Variants in PITPNA observed in about 807,000 individuals in gnomAD.
PITPNA encodes phosphatidylinositol transfer protein alpha, also known as phosphatidylinositol transfer protein alpha isoform.
PITPNA carries 13 observed loss-of-function variants against 50.3 expected under a neutral mutation model. That is an observed-to-expected ratio of 0.26 (90% confidence interval 0.17 to 0.41). The LOEUF (loss-of-function observed/expected upper bound fraction) is 0.41, where lower values mean the gene tolerates loss of function less well. Ranked by LOEUF, PITPNA falls within the 10% of genes least tolerant of loss-of-function variation. PITPNA has a pLI of 1.00. For missense variants in PITPNA, 207 were observed against 333.4 expected (o/e 0.62, Z 2.95); for synonymous variants, 120 against 119.6 (o/e 1.00, Z -0.02).
chr17:1,520,191 TCAC>T lies in PITPNA; in HGVS notation c.*367_*369del, dbSNP rs1199024290. 5 of 152,260 alleles carry T rather than the reference TCAC, an allele frequency of 3.3e-5. No homozygotes were observed. The highest frequency in any genetic ancestry group is 4.8e-5 in the African/African-American group (2 of 41,432). The allele number at this position is 152,260 out of a possible 1,614,324, so 9.4% of individuals were successfully genotyped here. A position where few individuals can be genotyped will look rare whatever the true frequency, so the allele number is the denominator to read the frequency against. Reference sequence around the variant, plus strand: ...AACAAATGAACTTAAATCATTTAAATCACCACATCACAAAAGGCAGCTATTTGA... The same window carrying T: ...AACAAATGAACTTAAATCATTTAAATCACATCACAAAAGGCAGCTATTTGA... On this transcript the variant is annotated 3_prime_UTR_variant, in exon 12 of 12. Transcript: ENST00000313486.
chr17:1,546,953 A>G (rs1221242818), intron 4 of PITPNA, among the ~76,000 whole-genome samples: 1 of 152,218 alleles, frequency 6.6e-6, no homozygotes, highest in Non-Finnish European at 1.5e-5. Context: ...CAGAAGCCAC[A>G]GTTCATTCAT....
chr17:1,560,968 G>T (rs919857370), intron 1 of PITPNA, among the ~76,000 whole-genome samples: 4 of 152,166 alleles, frequency 2.6e-5, no homozygotes, highest in African/African-American at 9.7e-5. Flanking sequence ...CCAGCCTGGT[G>T]GGGATGGTCA....
chr17:1,537,221 G>A (rs1250279162), intron 7 of PITPNA, among the ~76,000 whole-genome samples: 1 of 152,022 alleles, frequency 6.6e-6, no homozygotes, highest in East Asian at 1.9e-4. Flanking sequence ...CTGCCACCAC[G>A]CCTGGCTAAT....
chr17:1,559,776 C>G (rs1008624245), intron 1 of PITPNA: 1 of 985,244 alleles, frequency 1.0e-6, no homozygotes, highest in African/African-American at 1.7e-5. Context: ...AGACACCAAG[C>G]AGGAAAGTAG....
In PITPNA at chr17:1,562,054, C is replaced by T. The variant is rs1439395600; in HGVS notation, c.20+487G>A. Among the ~76,000 whole-genome samples the T allele has an allele frequency of 6.6e-6, 1 of 152,116 alleles. No homozygotes were observed. Among genetic ancestry groups the T allele is most frequent in the Non-Finnish European group, 1.5e-5 (1 of 67,990 alleles). Reference sequence around the variant, plus strand: ...CCGCGCAGAGCGACCCCACAGCACTCCCAGCGCTCGGCGTCCCCTCGGCCT... The same window carrying T: ...CCGCGCAGAGCGACCCCACAGCACTTCCAGCGCTCGGCGTCCCCTCGGCCT... On this transcript the variant is annotated intron_variant, in intron 1 of 11. Transcript: ENST00000313486. The surrounding 1 kb of genome is among the most constrained non-coding windows in gnomAD (Gnocchi z 6.4).
At chr17:1,524,956 C>T (rs73294800) in intron 10 of PITPNA, among the ~76,000 whole-genome samples, 14,258 of 152,056 alleles carry the variant, frequency 0.094, 835 homozygotes, top group East Asian at 0.14. Flanking sequence ...TTACTGGAGA[C>T]GCGGTTCCAA....
chr17:1,542,981 T>C (rs747586360), intron 5 of PITPNA, 39 bp downstream of exon 5: 2 of 1,522,228 alleles, frequency 1.3e-6, no homozygotes, highest in South Asian at 1.1e-5. Flanking sequence ...CCTGTTCTTA[T>C]ACATCATCTA....
At chr17:1,532,192 A>G (rs913533263) in intron 10 of PITPNA, among the ~76,000 whole-genome samples, 1 of 152,068 alleles carries the variant, frequency 6.6e-6, no homozygotes, top group Non-Finnish European at 1.5e-5. Flanking sequence ...GGTTCAAGCG[A>G]TTCTCCTGCC....
intron 7 of PITPNA, among the ~76,000 whole-genome samples, chr17:1,538,121 G>A (rs1417730927): frequency 6.6e-6 from 1 of 152,146 alleles, no homozygotes; most frequent in East Asian, 1.9e-4. Context: ...TAAGTGCAGA[G>A]TGACCACAGG....
intron 1 of PITPNA, among the ~76,000 whole-genome samples, chr17:1,561,556 G>C (rs1170717049): frequency 6.6e-5 from 10 of 151,724 alleles, no homozygotes; most frequent in African/African-American, 2.4e-4. Flanking sequence ...GACCAGCCTC[G>C]ACCCCGGTAA....
chr17:1,557,618 T>C (rs1598414731), intron 2 of PITPNA, among the ~76,000 whole-genome samples: 1 of 152,182 alleles, frequency 6.6e-6, no homozygotes, highest in Non-Finnish European at 1.5e-5. Flanking sequence ...AGTTTTCCGT[T>C]GTCCAAGAGA....
At chr17:1,542,979 T>C (rs1291871762) in intron 5 of PITPNA, 41 bp downstream of exon 5, 1 of 1,515,442 alleles carries the variant, frequency 6.6e-7, no homozygotes. Context: ...CTCCTGTTCT[T>C]ATACATCATC....
At chr17:1,558,742 G>A (rs1417339599) in intron 1 of PITPNA, among the ~76,000 whole-genome samples, 183 bp from the exon 2 acceptor site, 1 of 139,390 alleles carries the variant, frequency 7.2e-6, no homozygotes, top group Admixed American at 7.2e-5. Flanking sequence ...TGCCCTAGAG[G>A]TGTAAGACAC....
intron 10 of PITPNA, among the ~76,000 whole-genome samples, chr17:1,527,306 C>T (rs879338961): frequency 4.6e-5 from 7 of 151,892 alleles, no homozygotes; most frequent in African/African-American, 9.7e-5. Context: ...TACAATGGTG[C>T]GATCTCAGCT....
intron 7 of PITPNA, among the ~76,000 whole-genome samples, chr17:1,536,480 G>A (rs12453591): frequency 0.24 from 36,802 of 151,812 alleles, 5,503 homozygotes; most frequent in East Asian, 0.52. Flanking sequence ...TAGTAGAGAC[G>A]GGGTTTCACC....
intron 11 of PITPNA, 46 bp downstream of exon 11, chr17:1,521,533 T>A: frequency 8.6e-6 from 12 of 1,395,702 alleles, no homozygotes; most frequent in Non-Finnish European, 1.2e-5. Flanking sequence ...AAACCCAAAC[T>A]GATTTTAGCG....
At chr17:1,541,444 G>T in intron 6 of PITPNA, 122 bp downstream of exon 6, 1 of 732,726 alleles carries the variant, frequency 1.4e-6, no homozygotes, top group Non-Finnish European at 2.5e-6. Context: ...TCTAGGCAGA[G>T]GCCACTGCCT....
At chr17:1,528,077 G>A (rs1430659463) in intron 10 of PITPNA, among the ~76,000 whole-genome samples, 1 of 152,088 alleles carries the variant, frequency 6.6e-6, no homozygotes, top group Non-Finnish European at 1.5e-5. Context: ...TGTAGTCCCA[G>A]CTACTTGGGA....
intron 10 of PITPNA, among the ~76,000 whole-genome samples, chr17:1,531,257 C>T (rs185710589): frequency 6.6e-6 from 1 of 152,150 alleles, no homozygotes; most frequent in Admixed American, 6.5e-5. Flanking sequence ...CAGCAAGAGA[C>T]AGGGGAGTCC....
Sources: gnomAD v4.1 joint callset for allele counts (sites outside exome capture counted in the v4.1 genomes callset) on GRCh38, gnomAD v4.1.1 for gene constraint, Gnocchi (gnomAD v3.1) non-coding constraint, MANE v1.5 for transcripts, NCBI Gene and HGNC (gene_info 2026-07-23, HGNC 2026-07-21) for gene names.